ICAM5: variants seen among roughly 807,000 people sequenced by gnomAD.
ICAM5 encodes the protein intercellular adhesion molecule 5.
In ICAM5, 38 loss-of-function variants were observed where a neutral mutation model predicts 78.8. That is an observed-to-expected ratio of 0.48 (90% CI 0.37 to 0.63). The LOEUF (loss-of-function observed/expected upper bound fraction) is 0.63. ICAM5 is among the 30% of genes least tolerant of loss of function. The probability of loss-of-function intolerance (pLI) is 0.00; values close to 1 mark genes in which losing one functional copy is unlikely to be tolerated. For missense variants in ICAM5, 1,059 were observed against 1,303.0 expected (o/e 0.81, Z 2.88); for synonymous variants, 544 against 590.9 (o/e 0.92, Z 1.15).
rs2040223064 is a variant in ICAM5 at position 10,296,620 on chromosome 19, C to T, written c.*4C>T. 8 of 1,210,558 alleles carry T rather than the reference C, an allele frequency of 6.6e-6. No individual in the cohort carries two copies. The highest frequency in any genetic ancestry group is 8.2e-6 in the Non-Finnish European group (8 of 970,374). 75.0% of individuals were successfully genotyped at this position (1,210,558 alleles called of 1,614,324 possible). ...CATACAGCTGACATCGGCGTGAGCCCGCTCCCCTCTCCCCGCGGGCCGGGG... is the reference window on the plus strand; with the variant it reads ...CATACAGCTGACATCGGCGTGAGCCTGCTCCCCTCTCCCCGCGGGCCGGGG... On this transcript the variant is annotated 3_prime_UTR_variant, in exon 11 of 11. Coordinates refer to ENST00000221980, the MANE Select transcript of ICAM5 (RefSeq NM_003259.4).
Position 10,293,990 on chromosome 19 carries a change from C to G in ICAM5, c.1711+47C>G, listed in dbSNP as rs1239219863. The G allele has an allele frequency of 1.3e-6, 2 of 1,597,166 alleles. No homozygotes were observed. Among genetic ancestry groups the G allele is most frequent in the Non-Finnish European group, 1.7e-6 (2 of 1,168,868 alleles). ...TTAGGCAGGATCTGTGGGACAACCCCGGCTGGACTTCCTGGCCCCCGTGTG... is the reference window on the plus strand; with the variant it reads ...TTAGGCAGGATCTGTGGGACAACCCGGGCTGGACTTCCTGGCCCCCGTGTG... On this transcript the variant is annotated intron_variant, in intron 7 of 10. Transcript: ENST00000221980. The surrounding 1 kb of genome is among the most constrained non-coding windows in gnomAD (Gnocchi z 5.0).
intron 9 of ICAM5, 103 bp from the exon 10 acceptor site, chr19:10,295,243 C>T (rs2040210476): frequency 7.7e-7 from 1 of 1,304,176 alleles, no homozygotes; most frequent in Non-Finnish European, 1.0e-6. Flanking sequence ...TTCTGCCCAT[C>T]AGAGGCGCGG....
chr19:10,293,846 G>T lies in ICAM5; in HGVS notation c.1614G>T (p.Gly538=). The stretch of plus-strand genomic sequence containing the variant: ...GAGAACTCGGGGCCGTCATCGAGGG[G>T]CTGTTGCGTGTGGCCCGGGAGCATG... The part of the protein sequence containing the change: ...RSGELGAVIE[G]LLRVAREHAG... The change falls in exon 7 of 11, where the codon GGG becomes GGT. Residue 538 remains glycine (G), a synonymous_variant. Coordinates refer to ENST00000221980, the MANE Select transcript of ICAM5 (RefSeq NM_003259.4). The surrounding 1 kb of genome is among the most constrained non-coding windows in gnomAD (Gnocchi z 5.0). 6.2e-7 allele frequency: 1 copy of T among 1,612,460 alleles called. No homozygotes were observed. Among genetic ancestry groups the T allele is most frequent in the African/African-American group, 1.3e-5 (1 of 75,062 alleles).
In ICAM5 at chr19:10,291,382, C is replaced by G. The variant is rs772249843; in HGVS notation, c.352+41C>G. The G allele has an allele frequency of 3.7e-6, 6 of 1,607,030 alleles. No individual in the cohort carries two copies. In the East Asian group the frequency reaches 1.1e-4, roughly 30 times the overall value. On this transcript the variant is annotated intron_variant, in intron 2 of 10. Transcript: ENST00000221980. ...CCACGCGCGTACTCCACTACTCTCC[C>G]TCCCTCCCAGGCCCCGCCCCCTGGG...
Position 10,292,293 on chromosome 19 carries a change from G to A in ICAM5, c.932G>A (p.Arg311Gln). 6.2e-7 allele frequency: 1 copy of A among 1,608,560 alleles called. No individual in the cohort carries two copies. Reference protein sequence around the residue: ...VCNVTLGGENRETRENVTIYS... With the variant: ...VCNVTLGGENQETRENVTIYS... ...AACGTCACCCTGGGGGGCGAAAACC[G>A]GGAGACCCGGGAGAACGTGACCATC... Residue 311 changes from arginine to glutamine, a missense_variant, in exon 4 of 11, where the codon CGG becomes CAG. Arg to Gln is a conservative substitution (Grantham distance 43). Transcript: ENST00000221980.
chr19:10,290,940 A>C lies in ICAM5; in HGVS notation c.83-132A>C. The C allele has an allele frequency of 8.3e-7, 1 of 1,211,048 alleles. No individual in the cohort carries two copies. The highest frequency in any genetic ancestry group is 1.6e-5 in the South Asian group (1 of 63,330). The allele number at this position is 1,211,048 out of a possible 1,614,324, so 75.0% of individuals were successfully genotyped here. A position where few individuals can be genotyped will look rare whatever the true frequency, so the allele number is the denominator to read the frequency against. On this transcript the variant is annotated intron_variant, in intron 1 of 10. Coordinates refer to ENST00000221980, the MANE Select transcript of ICAM5 (RefSeq NM_003259.4). The surrounding 1 kb of genome is among the most constrained non-coding windows in gnomAD (Gnocchi z 5.7). Reference sequence around the variant, plus strand: ...ACCGGAGGCCTGGGCAGGACGCGGGACGCCTGGGTTCTTTCCCTGGCTGCA... The same window carrying C: ...ACCGGAGGCCTGGGCAGGACGCGGGCCGCCTGGGTTCTTTCCCTGGCTGCA...
chr19:10,293,579 C>T lies in ICAM5; in HGVS notation c.1466-119C>T, dbSNP rs1384365816. The T allele has an allele frequency of 7.4e-7, 1 of 1,351,602 alleles. No homozygotes were observed. Among genetic ancestry groups the T allele is most frequent in the East Asian group, 2.3e-5 (1 of 42,706 alleles). The allele number at this position is 1,351,602 out of a possible 1,614,324, so 83.7% of individuals were successfully genotyped here. On this transcript the variant is annotated intron_variant, in intron 6 of 10. Transcript: ENST00000221980. The surrounding 1 kb of genome is among the most constrained non-coding windows in gnomAD (Gnocchi z 5.0). ...CGACTAGCGTGACACCTCCTTGGAT[C>T]GGCGTCCAAGGGTTATGCAGGGACA...
At chr19:10,295,032 G>A (rs1298852558) in intron 9 of ICAM5, among the ~76,000 whole-genome samples, 2 of 152,290 alleles carry the variant, frequency 1.3e-5, no homozygotes, top group Admixed American at 1.3e-4. Context: ...ACTCCAGCCT[G>A]GGCAACAGAG....
At position 10,291,159 on chromosome 19, in the gene ICAM5, C is replaced by G; in HGVS notation, c.170C>G (p.Thr57Ser). 1 of 1,612,414 alleles carries G rather than the reference C, an allele frequency of 6.2e-7. No homozygotes were observed. Among genetic ancestry groups the G allele is most frequent in the Non-Finnish European group, 8.5e-7 (1 of 1,179,850 alleles). Residue 57 changes from threonine (T) to serine (S), a missense_variant, in exon 2 of 11, where the codon ACC (threonine) becomes AGC (serine). By Grantham distance (58) the Thr-to-Ser change is moderately conservative. Coordinates refer to ENST00000221980, the MANE Select transcript of ICAM5 (RefSeq NM_003259.4). ...RGGSLWLNCSTNCPRPERGGL... is the reference protein window; with the variant it reads ...RGGSLWLNCSSNCPRPERGGL... The stretch of plus-strand genomic sequence containing the variant: ...GGCTCGCTGTGGCTGAATTGCAGCA[C>G]CAACTGCCCTCGGCCGGAGCGCGGT...
Position 10,294,475 on chromosome 19 carries a change from G to C in ICAM5, c.2065G>C (p.Ala689Pro), listed in dbSNP as rs942486270. 16 of 1,607,990 alleles carry C rather than the reference G, an allele frequency of 1.0e-5. No homozygotes were observed. In the African/African-American group the frequency reaches 1.7e-4, roughly 17 times the overall value. The part of the protein sequence containing the change: ...WLEGAEASAL[A>P]CAARGRPSPG... ...GGAAGGGGCTGAGGCTTCCGCGCTG[G>C]CCTGCGCCGCCCGGGGTCGCCCTTC... is the stretch of plus-strand genomic sequence containing the variant. The change falls in exon 9 of 11, where the codon GCC becomes CCC. Residue 689 changes from alanine (A) to proline (P), a missense_variant. By Grantham distance (27) the Ala-to-Pro change is conservative (BLOSUM62 -1). Transcript: ENST00000221980. This position sits in a 1 kb window ranked among gnomAD's most constrained non-coding sequence, Gnocchi z 7.7.
Position 10,296,531 on chromosome 19 carries a change from C to A in ICAM5, c.2690C>A (p.Ala897Glu). Reference protein sequence around the residue: ...AGGGAGGAAGAEGGPEAAGGA... With the variant: ...AGGGAGGAAGEEGGPEAAGGA... ...GGCGGCGCTGGCGGGGCGGCAGGCGCGGAGGGCGGACCCGAGGCGGCGGGG... is the reference window on the plus strand; with the variant it reads ...GGCGGCGCTGGCGGGGCGGCAGGCGAGGAGGGCGGACCCGAGGCGGCGGGG... The change falls in exon 11 of 11, where the codon GCG becomes GAG. Residue 897 changes from alanine (A) to glutamate (E), a missense_variant. This residue lies in a region of ICAM5 where 109 missense variants were observed against 120.0 expected (regional missense o/e 0.91). Transcript: ENST00000221980. The A allele has an allele frequency of 2.4e-6, 3 of 1,225,888 alleles. No individual in the cohort carries two copies. The highest frequency in any genetic ancestry group is 3.1e-6 in the Non-Finnish European group (3 of 975,812). 75.9% of individuals were successfully genotyped at this position (1,225,888 alleles called of 1,614,324 possible). A position where few individuals can be genotyped will look rare whatever the true frequency, so the allele number is the denominator to read the frequency against.
At chr19:10,291,846 G>C in intron 3 of ICAM5, 37 bp downstream of exon 3, 1 of 1,587,936 alleles carries the variant, frequency 6.3e-7, no homozygotes, top group Non-Finnish European at 8.6e-7. Flanking sequence ...GACCCAGTGG[G>C]GTCGGTCGGT....
rs2040172904 is a variant in ICAM5 at position 10,291,588 on chromosome 19, C to T, written c.452C>T (p.Ala151Val). The change falls in exon 3 of 11, where the codon GCG becomes GTG. Residue 151 changes from alanine (A) to valine (V), a missense_variant. Transcript: ENST00000221980. ...AGGGTCCCCGGCGCCGGGCCCCGTG[C>T]GAGCCTCACGCTGACCCTGCTGCGG... ...SCRVPGAGPR[A>V]SLTLTLLRGA... The T allele has an allele frequency of 2.5e-6, 4 of 1,612,140 alleles. No individual in the cohort carries two copies. The highest frequency in any genetic ancestry group is 3.3e-4 in the Middle Eastern group (2 of 6,078).
In ICAM5 at chr19:10,291,814, G is replaced by A; in HGVS notation, c.673+5G>A. 1 of 1,607,778 alleles carries A rather than the reference G, an allele frequency of 6.2e-7. No individual in the cohort carries two copies. Among genetic ancestry groups the A allele is most frequent in the Non-Finnish European group, 8.5e-7 (1 of 1,177,574 alleles). ...CCAGAGAGCTCCGAACCTTCTGTGA[G>A]TGGGTGTGGGGAGGAGATGGGGACC... On this transcript the variant is annotated splice_donor_5th_base_variant and intron_variant, in intron 3 of 10. Transcript: ENST00000221980.
chr19:10,291,628 G>A lies in ICAM5; in HGVS notation c.492G>A (p.Leu164=). 6.2e-7 allele frequency: 1 copy of A among 1,611,640 alleles called. No homozygotes were observed. Among genetic ancestry groups the A allele is most frequent in the Non-Finnish European group, 8.5e-7 (1 of 1,179,378 alleles). Residue 164 remains leucine (L), a synonymous_variant, in exon 3 of 11, where the codon CTG becomes CTA. Transcript: ENST00000221980. ...TLTLLRGAQE[L]IRRSFAGEPP... is the part of the protein sequence containing the mutation. ...CCCTGCTGCGGGGCGCCCAGGAGCT[G>A]ATCCGCCGCAGCTTCGCCGGTGAAC...
chr19:10,294,065 C>G lies in ICAM5; in HGVS notation c.1737C>G (p.Ser579Arg). The G allele has an allele frequency of 6.3e-7, 1 of 1,581,870 alleles. No homozygotes were observed. The highest frequency in any genetic ancestry group is 2.2e-5 in the East Asian group (1 of 44,502). The change falls in exon 8 of 11, where the codon AGC becomes AGG. Residue 579 changes from serine to arginine, a missense_variant. Around this residue, in one of 3 missense-constraint regions of ICAM5, gnomAD observed 815 missense variants for 952.8 expected, o/e 0.86. Transcript: ENST00000221980. The surrounding 1 kb of genome is among the most constrained non-coding windows in gnomAD (Gnocchi z 7.7). ...ATGGCCCCAGGTTTGAGGAGCCGAG[C>G]TGCCCCAGCAATTGGACATGGGTGG... ...VEYGPRFEEP[S>R]CPSNWTWVEG... is the part of the protein sequence containing the mutation.
Position 10,290,291 on chromosome 19 carries a change from C to A in ICAM5, c.82+166C>A. On this transcript the variant is annotated intron_variant, in intron 1 of 10. Transcript: ENST00000221980. The surrounding 1 kb of genome is among the most constrained non-coding windows in gnomAD (Gnocchi z 5.7). ...CTTCCCCCTCCTCCCCAACACACAC[C>A]CGAGCCCCAGCTTCCTGACTCCTCG... 1.8e-6 allele frequency: 1 copy of A among 546,742 alleles called. No homozygotes were observed. The highest frequency in any genetic ancestry group is 3.2e-6 in the Non-Finnish European group (1 of 313,768). The allele number at this position is 546,742 out of a possible 1,614,324, so 33.9% of individuals were successfully genotyped here. A position where few individuals can be genotyped will look rare whatever the true frequency, so the allele number is the denominator to read the frequency against.
Position 10,294,088 on chromosome 19 carries a change from T to C in ICAM5, c.1760T>C (p.Val587Ala). ...AGCTGCCCCAGCAATTGGACATGGG[T>C]GGAAGGATCTGGGCGCCTGTTTTCC... ...EPSCPSNWTW[V>A]EGSGRLFSCE... Residue 587 changes from valine to alanine, a missense_variant, in exon 8 of 11, where the codon GTG (valine) becomes GCG (alanine). By Grantham distance (64) the Val-to-Ala change is moderately conservative (BLOSUM62 0). Transcript: ENST00000221980. The surrounding 1 kb of genome is among the most constrained non-coding windows in gnomAD (Gnocchi z 7.7). 2 of 1,591,880 alleles carry C rather than the reference T, an allele frequency of 1.3e-6. No individual in the cohort carries two copies. The highest frequency in any genetic ancestry group is 2.2e-5 in the East Asian group (1 of 44,600).
chr19:10,292,915 G>T (rs2040186676), intron 5 of ICAM5, 49 bp downstream of exon 5: 3 of 1,606,816 alleles, frequency 1.9e-6, no homozygotes, highest in Non-Finnish European at 2.6e-6. Context: ...GACTTCCAAG[G>T]ACCCGCCTGC....
Sources: gnomAD v4.1 joint callset for allele counts (sites outside exome capture counted in the v4.1 genomes callset) on GRCh38, gnomAD v4.1.1 for gene constraint, gnomAD v4.1.1 regional missense constraint, Gnocchi (gnomAD v3.1) non-coding constraint, MANE v1.5 for transcripts, NCBI Gene and HGNC (gene_info 2026-07-23, HGNC 2026-07-21) for gene names.